Variants in SPATS2L observed in about 807,000 individuals in gnomAD.
SPATS2L encodes the protein SPATS2-like protein.
Under a neutral mutation model 59.6 loss-of-function variants are expected in SPATS2L, and 30 were observed. The ratio of observed to expected loss-of-function variants is 0.50; its 90% CI spans 0.38 to 0.68. The LOEUF is 0.68. SPATS2L is among the 30% of genes least tolerant of loss of function. The pLI, the probability that SPATS2L is intolerant of heterozygous loss-of-function variation, is 0.00. For synonymous variants in SPATS2L, 252 were observed against 263.5 expected (o/e 0.96, Z 0.42); for missense variants, 615 against 700.0 (o/e 0.88, Z 1.37).
At chr2:200,451,661 G>C (rs2085453509) in intron 8 of SPATS2L, among the ~76,000 whole-genome samples, 1 of 152,158 alleles carries the variant, frequency 6.6e-6, no homozygotes, top group East Asian at 1.9e-4. Context: ...CTGGAGGCCA[G>C]GAGCAGAGGA....
intron 2 of SPATS2L, among the ~76,000 whole-genome samples, chr2:200,360,214 C>G (rs1574489008): frequency 6.6e-6 from 1 of 152,148 alleles, no homozygotes; most frequent in African/African-American, 2.4e-5. Flanking sequence ...ACTGGTCCAC[C>G]CAAGTCCATT....
chr2:200,416,573 G>A (rs1431763150), intron 5 of SPATS2L, 145 bp downstream of exon 5: 3 of 413,300 alleles, frequency 7.3e-6, no homozygotes, highest in Admixed American at 4.5e-5. Context: ...CATGACTCTC[G>A]GAAATTAGCA....
At chr2:200,436,064 A>G (rs1287743777) in intron 6 of SPATS2L, among the ~76,000 whole-genome samples, 1 of 152,176 alleles carries the variant, frequency 6.6e-6, no homozygotes, top group Non-Finnish European at 1.5e-5. Flanking sequence ...CAACAGCCAC[A>G]TGTGGCCAGT....
intron 3 of SPATS2L, chr2:200,393,251 T>G (rs1011976451): frequency 2.2e-6 from 1 of 456,780 alleles, no homozygotes; most frequent in Non-Finnish European, 4.4e-6. Flanking sequence ...CTGCAAAACA[T>G]GGCTGGTGGA....
At chr2:200,333,335 CT>C (rs4035264) in intron 2 of SPATS2L, among the ~76,000 whole-genome samples, 54,679 of 143,446 alleles carry the variant, frequency 0.38, 10,862 homozygotes, top group East Asian at 0.61. Context: ...ACATAGCAGT[CT>C]TTTTTTTTTT....
chr2:200,419,834 C>T (rs2083237005), intron 6 of SPATS2L, among the ~76,000 whole-genome samples: 2 of 151,680 alleles, frequency 1.3e-5, no homozygotes, highest in Non-Finnish European at 2.9e-5. Context: ...CCTTGGCATC[C>T]CAAAGTGCTG....
chr2:200,450,690 G>A (rs1003090564), intron 8 of SPATS2L, among the ~76,000 whole-genome samples: 1 of 152,178 alleles, frequency 6.6e-6, no homozygotes, highest in African/African-American at 2.4e-5. Context: ...CACTCAGTGA[G>A]TCTAGTGAGT....
At chr2:200,459,646 T>C in intron 8 of SPATS2L, 123 bp from the exon 9 acceptor site, 2 of 769,666 alleles carry the variant, frequency 2.6e-6, no homozygotes, top group Admixed American at 4.9e-5. Flanking sequence ...CATTGTAGCA[T>C]AGAAATATTT....
rs994117422 is a variant in SPATS2L, at chr2:200,333,773, A to T, written c.-23+4293A>T. 2.9e-4 allele frequency among the ~76,000 whole-genome samples: 44 copies of T among 151,936 alleles called. 1 individual carries two copies. The highest frequency in any genetic ancestry group is 1.0e-3 in the African/African-American group (42 of 41,400). The stretch of plus-strand genomic sequence containing the variant: ...TAGTGTTTGGTTTTTTGTTCTTGCG[A>T]TAGTTTGCTGAGAATGATGGATTCC... On this transcript the variant is annotated intron_variant, in intron 2 of 12. Transcript: ENST00000409140.
At chr2:200,315,908 CCAGCTACTCGGGAGGCTGAGG>C (rs1437061516) in intron 1 of SPATS2L, among the ~76,000 whole-genome samples, 1 of 148,996 alleles carries the variant, frequency 6.7e-6, no homozygotes, top group East Asian at 2.0e-4. Flanking sequence ...ACCTGCAGTC[CCAGCTACTCGGGAGGCTGAGG>C]CAGGAGAATG....
intron 2 of SPATS2L, among the ~76,000 whole-genome samples, chr2:200,375,957 T>C (rs1031182562): frequency 3.3e-5 from 5 of 152,214 alleles, no homozygotes; most frequent in African/African-American, 1.2e-4. Flanking sequence ...GGGTGGCATT[T>C]AAAGTGATAA....
At position 200,396,255 on chromosome 2, in the gene SPATS2L, G is replaced by T. The variant is rs927224855; in HGVS notation, c.39+6972G>T. Among the ~76,000 whole-genome samples the T allele has an allele frequency of 9.2e-5, 14 of 151,584 alleles. 1 individual carries two copies. In the South Asian group the frequency reaches 2.3e-3, roughly 25 times the overall value. On this transcript the variant is annotated intron_variant, in intron 3 of 12. Coordinates refer to ENST00000409140, the MANE Select transcript of SPATS2L (RefSeq NM_001100423.2). ...GTCTATAATGTCATCGCTGAGCTGC[G>T]CCACTCACTGTGAATAGCTTTTAGA...
intron 6 of SPATS2L, among the ~76,000 whole-genome samples, chr2:200,438,342 T>C (rs2084446054): frequency 6.6e-6 from 1 of 152,184 alleles, no homozygotes; most frequent in South Asian, 2.1e-4. Flanking sequence ...TGGCTTCCCT[T>C]TTCTCACACC....
At chr2:200,373,633 C>G (rs1328165979) in intron 2 of SPATS2L, among the ~76,000 whole-genome samples, 1 of 152,126 alleles carries the variant, frequency 6.6e-6, no homozygotes, top group Non-Finnish European at 1.5e-5. Context: ...AGTCATCTCA[C>G]AGGATGTAAA....
intron 8 of SPATS2L, among the ~76,000 whole-genome samples, chr2:200,442,717 A>G (rs1386102618): frequency 6.6e-6 from 1 of 152,188 alleles, no homozygotes; most frequent in African/African-American, 2.4e-5. Context: ...TTTATTTCTT[A>G]GTAAAATGAA....
In SPATS2L at chr2:200,479,225, T is replaced by C. The variant is rs186449958; in HGVS notation, c.*1194T>C. ...GCCAGCTCCCATCTCTTAATTATCT[T>C]AGCTCTCCTTTCCTCCTTGGGTTGA... On this transcript the variant is annotated 3_prime_UTR_variant, in exon 13 of 13. Transcript: ENST00000409140. 3.8e-4 allele frequency: 86 copies of C among 224,932 alleles called. 1 individual carries two copies. The East Asian group carries it at 6.8e-3, about 18-fold the overall frequency. 13.9% of individuals were successfully genotyped at this position (224,932 alleles called of 1,614,324 possible).
chr2:200,451,646 C>T (rs1441914906), intron 8 of SPATS2L, among the ~76,000 whole-genome samples: 1 of 152,126 alleles, frequency 6.6e-6, no homozygotes, highest in Admixed American at 6.5e-5. Context: ...CACATGAGAG[C>T]CTGCCTGGAG....
rs181108996 is a variant in SPATS2L at position 200,348,979 on chromosome 2, G to T, written c.-23+19499G>T. Among the ~76,000 whole-genome samples, 6 of 152,164 alleles carry T rather than the reference G, an allele frequency of 3.9e-5. No individual in the cohort carries two copies. In the East Asian group the frequency reaches 1.2e-3, roughly 29 times the overall value. On this transcript the variant is annotated intron_variant, in intron 2 of 12. Transcript: ENST00000409140. Reference sequence around the variant, plus strand: ...CTTTTACTTTCTTGTGTAGAAAAATGGAGAGTCAGTATTGGCATATCCTAG... The same window carrying T: ...CTTTTACTTTCTTGTGTAGAAAAATTGAGAGTCAGTATTGGCATATCCTAG...
Position 200,470,107 on chromosome 2 carries a change from C to G in SPATS2L, c.1060+91C>G, listed in dbSNP as rs2086910194. On this transcript the variant is annotated intron_variant, in intron 11 of 12. Coordinates refer to ENST00000409140, the MANE Select transcript of SPATS2L (RefSeq NM_001100423.2). Reference sequence around the variant, plus strand: ...TGGAAATGTCAGGTGTGCAGTCCCCCCAGGGGGCTAACGTGAGGTCTAAAG... The same window carrying G: ...TGGAAATGTCAGGTGTGCAGTCCCCGCAGGGGGCTAACGTGAGGTCTAAAG... 4 of 1,001,748 alleles carry G rather than the reference C, an allele frequency of 4.0e-6. No individual in the cohort carries two copies. In the East Asian group the frequency reaches 1.0e-4, roughly 26 times the overall value. 62.1% of individuals were successfully genotyped at this position (1,001,748 alleles called of 1,614,324 possible). A position where few individuals can be genotyped will look rare whatever the true frequency, so the allele number is the denominator to read the frequency against.
Sources: gnomAD v4.1 joint callset for allele counts (sites outside exome capture counted in the v4.1 genomes callset) on GRCh38, gnomAD v4.1.1 for gene constraint, MANE v1.5 for transcripts, NCBI Gene and HGNC (gene_info 2026-07-23, HGNC 2026-07-21) for gene names.